KLHL24: variants seen among roughly 807,000 people sequenced by gnomAD.
KLHL24 encodes the protein kelch-like protein 24.
In KLHL24, 29 loss-of-function variants were observed where a neutral mutation model predicts 53.4. The ratio of observed to expected loss-of-function variants is 0.54; its 90% CI spans 0.40 to 0.74. KLHL24 has a LOEUF of 0.74. Ranked by LOEUF, KLHL24 falls within the 30% of genes least tolerant of loss-of-function variation. The pLI is 0.00. For synonymous variants in KLHL24, 222 were observed against 253.7 expected (o/e 0.88, Z 1.19); for missense variants, 504 against 744.0 (o/e 0.68, Z 3.75).
chr3:183,664,205 G>A (rs956865037), intron 4 of KLHL24: 1 of 152,122 alleles, frequency 6.6e-6, no homozygotes, highest in Non-Finnish European at 1.5e-5. Flanking sequence ...TATTTTAAAT[G>A]CTCTCAAATG....
At position 183,664,909 on chromosome 3, in the gene KLHL24, T is replaced by C; in HGVS notation, c.1106-12T>C. 6.6e-7 allele frequency: 1 copy of C among 1,515,452 alleles called. No individual in the cohort carries two copies. The highest frequency in any genetic ancestry group is 9.1e-7 in the Non-Finnish European group (1 of 1,093,192). The allele number at this position is 1,515,452 out of a possible 1,614,324, so 93.9% of individuals were successfully genotyped here. A position where few individuals can be genotyped will look rare whatever the true frequency, so the allele number is the denominator to read the frequency against. The stretch of plus-strand genomic sequence containing the variant: ...GATAAATTATCGTGTGTGCATTGTT[T>C]TGCATTTCAAGGTGGAAGAATCAAC... On this transcript the variant is annotated splice_polypyrimidine_tract_variant and intron_variant, in intron 4 of 7. Transcript: ENST00000242810.
intron 7 of KLHL24, among the ~76,000 whole-genome samples, chr3:183,674,426 T>C (rs545745735): frequency 2.4e-4 from 36 of 152,016 alleles, no homozygotes; most frequent in African/African-American, 8.4e-4. Context: ...AATGGCGCGA[T>C]CTCCACACAC....
intron 1 of KLHL24, among the ~76,000 whole-genome samples, chr3:183,638,890 A>G (rs1715823508): frequency 6.6e-6 from 1 of 152,250 alleles, no homozygotes; most frequent in South Asian, 2.1e-4. Context: ...CTTAAAGACT[A>G]CTAAACTGGT....
intron 3 of KLHL24, among the ~76,000 whole-genome samples, chr3:183,658,188 GGA>G (rs1719182630): frequency 6.7e-6 from 1 of 148,720 alleles, no homozygotes; most frequent in Non-Finnish European, 1.5e-5. Context: ...ACTCTAGCCT[GGA>G]TGACAGAGCG....
intron 5 of KLHL24, among the ~76,000 whole-genome samples, chr3:183,670,232 T>C (rs1721147012): frequency 6.6e-6 from 1 of 152,028 alleles, no homozygotes; most frequent in Non-Finnish European, 1.5e-5. Flanking sequence ...GCCACTGCAC[T>C]CCAGCCTGAG....
At chr3:183,669,879 G>C (rs1040352986) in intron 5 of KLHL24, among the ~76,000 whole-genome samples, 1 of 152,180 alleles carries the variant, frequency 6.6e-6, no homozygotes, top group Non-Finnish European at 1.5e-5. Context: ...GAAAGATGCT[G>C]TGGAAGAAGA....
intron 3 of KLHL24, among the ~76,000 whole-genome samples, chr3:183,658,726 C>T (rs963053636): frequency 6.6e-6 from 1 of 152,064 alleles, no homozygotes; most frequent in African/African-American, 2.4e-5. Context: ...AATTTGTTTA[C>T]ATTAGTTTTT....
Position 183,645,959 on chromosome 3 carries a change from T to C in KLHL24, c.-62+2417T>C, listed in dbSNP as rs567657390. On this transcript the variant is annotated intron_variant, in intron 2 of 7. Coordinates refer to ENST00000242810, the MANE Select transcript of KLHL24 (RefSeq NM_017644.3). ...AATAGGCCTTCTCCATGAGCTTCCA[T>C]TGCCATAACTATTATATTACATCAC... Among the ~76,000 whole-genome samples the C allele has an allele frequency of 2.0e-5, 3 of 152,322 alleles. No homozygotes were observed. The South Asian group carries it at 6.2e-4, about 32-fold the overall frequency.
At position 183,664,850 on chromosome 3, in the gene KLHL24, G is replaced by A. The variant is rs190654041; in HGVS notation, c.1106-71G>A. On this transcript the variant is annotated intron_variant, in intron 4 of 7. Transcript: ENST00000242810. ...TCCATGTTTTCTTTACCTATGCCTTGGTGGCACAGATCTCTTGGTGACAGC... is the reference window on the plus strand; with the variant it reads ...TCCATGTTTTCTTTACCTATGCCTTAGTGGCACAGATCTCTTGGTGACAGC... 11 of 752,230 alleles carry A rather than the reference G, an allele frequency of 1.5e-5. No individual in the cohort carries two copies. The Admixed American group carries it at 2.2e-4, about 15-fold the overall frequency. 46.6% of individuals were successfully genotyped at this position (752,230 alleles called of 1,614,324 possible).
intron 3 of KLHL24, among the ~76,000 whole-genome samples, chr3:183,653,436 T>C (rs887660356): frequency 4.6e-5 from 7 of 152,150 alleles, no homozygotes; most frequent in Non-Finnish European, 8.8e-5. Flanking sequence ...GGCTGAGCAA[T>C]GAACAAAGAC....
Position 183,683,248 on chromosome 3 carries a change from A to AGAGCTTGGTGTTTTTGTGGT in KLHL24, c.*3964_*3983dup, listed in dbSNP as rs1712878595. The AGAGCTTGGTGTTTTTGTGGT allele has an allele frequency of 2.0e-5, 3 of 152,656 alleles. No homozygotes were observed. Among genetic ancestry groups the AGAGCTTGGTGTTTTTGTGGT allele is most frequent in the African/African-American group, 7.2e-5 (3 of 41,438 alleles). 9.5% of individuals were successfully genotyped at this position (152,656 alleles called of 1,614,324 possible). A position where few individuals can be genotyped will look rare whatever the true frequency, so the allele number is the denominator to read the frequency against. On this transcript the variant is annotated 3_prime_UTR_variant, in exon 8 of 8. Transcript: ENST00000242810. ...CCCCCGGCCTGTATTTTCAGAGAGG[A>AGAGCTTGGTGTTTTTGTGGT]GAGCTTGGTGTTTTTGTGGTGCCAA...
intron 5 of KLHL24, among the ~76,000 whole-genome samples, chr3:183,668,554 T>G (rs1161365555): frequency 6.6e-6 from 1 of 152,204 alleles, no homozygotes; most frequent in Non-Finnish European, 1.5e-5. Flanking sequence ...ATATAGAATC[T>G]TAGGGGAGCA....
chr3:183,664,851 G>C (rs1720298740), intron 4 of KLHL24, 70 bp from the exon 5 acceptor site: 2 of 764,826 alleles, frequency 2.6e-6, no homozygotes, highest in Non-Finnish European at 4.2e-6. Flanking sequence ...CTATGCCTTG[G>C]TGGCACAGAT....
At chr3:183,646,060 T>G (rs994182615) in intron 2 of KLHL24, among the ~76,000 whole-genome samples, 4 of 151,984 alleles carry the variant, frequency 2.6e-5, no homozygotes, top group Non-Finnish European at 5.9e-5. Flanking sequence ...GTTTTGTTTT[T>G]TTTTTAACTT....
intron 7 of KLHL24, among the ~76,000 whole-genome samples, chr3:183,673,232 A>G (rs1416266613): frequency 6.6e-6 from 1 of 152,098 alleles, no homozygotes; most frequent in Non-Finnish European, 1.5e-5. Flanking sequence ...AAGTAAAATA[A>G]AATATTTCAT....
chr3:183,644,514 T>G (rs1046360066), intron 2 of KLHL24, among the ~76,000 whole-genome samples: 23 of 152,166 alleles, frequency 1.5e-4, no homozygotes, highest in African/African-American at 5.3e-4. Context: ...TACAGAGCAG[T>G]AAACAAATAT....
intron 3 of KLHL24, among the ~76,000 whole-genome samples, chr3:183,652,823 C>G (rs751769792): frequency 6.6e-6 from 1 of 152,168 alleles, no homozygotes; most frequent in Admixed American, 6.6e-5. Context: ...GAAAATCACT[C>G]CTTTTTCCAA....
chr3:183,647,867 G>A (rs555398417), intron 2 of KLHL24, among the ~76,000 whole-genome samples: 68 of 152,194 alleles, frequency 4.5e-4, no homozygotes, highest in African/African-American at 1.5e-3. Context: ...TTAGCCAGGC[G>A]CGGTGGCATG....
intron 3 of KLHL24, among the ~76,000 whole-genome samples, chr3:183,653,979 C>T (rs991632034): frequency 6.6e-6 from 1 of 152,174 alleles, no homozygotes; most frequent in African/African-American, 2.4e-5. Context: ...TCTCATCTTT[C>T]TGAGAAACTC....
Sources: gnomAD v4.1 joint callset for allele counts (sites outside exome capture counted in the v4.1 genomes callset) on GRCh38, gnomAD v4.1.1 for gene constraint, MANE v1.5 for transcripts, NCBI Gene and HGNC (gene_info 2026-07-23, HGNC 2026-07-21) for gene names.